MAP3K5: variants seen among roughly 807,000 people sequenced by gnomAD.
MAP3K5 encodes the protein ASK-1.
MAP3K5 carries 56 observed loss-of-function variants against 158.7 expected under a neutral mutation model. The observed-to-expected ratio is 0.35, with a 90% CI of 0.28 to 0.44. MAP3K5 has a LOEUF of 0.44. Among genes scored for constraint, MAP3K5 ranks in the 20% least tolerant of loss-of-function variants. MAP3K5 has a pLI of 1.00. For missense variants in MAP3K5, 1,294 were observed against 1,674.8 expected, an observed-to-expected ratio of 0.77 and a Z score of 3.97; for synonymous variants, 579 against 601.7, an observed-to-expected ratio of 0.96 and a Z score of 0.55.
At chr6:136,774,540 CG>C (rs1784336016) in intron 1 of MAP3K5, among the ~76,000 whole-genome samples, 1 of 152,122 alleles carries the variant, frequency 6.6e-6, no homozygotes, top group African/African-American at 2.4e-5. Flanking sequence ...GACTGTGAGC[CG>C]CTCCAGGAAA....
At chr6:136,704,548 T>C (rs1780990048) in intron 3 of MAP3K5, among the ~76,000 whole-genome samples, 2 of 152,302 alleles carry the variant, frequency 1.3e-5, no homozygotes, top group Non-Finnish European at 2.9e-5. Context: ...ATTTTCTTTT[T>C]ATTTATTTAT....
chr6:136,591,012 G>A (rs1410700992), intron 23 of MAP3K5, among the ~76,000 whole-genome samples: 1 of 152,132 alleles, frequency 6.6e-6, no homozygotes, highest in Non-Finnish European at 1.5e-5. Flanking sequence ...TCTTTCCTGT[G>A]ATGTTCTCAT....
At chr6:136,640,441 T>C (rs1187815054) in intron 12 of MAP3K5, among the ~76,000 whole-genome samples, 2 of 152,204 alleles carry the variant, frequency 1.3e-5, no homozygotes, top group African/African-American at 4.8e-5. Context: ...TGCTGGTCCT[T>C]CCATTTGGAA....
intron 26 of MAP3K5, among the ~76,000 whole-genome samples, chr6:136,564,490 C>T (rs933286512): frequency 6.6e-6 from 1 of 152,094 alleles, no homozygotes; most frequent in Non-Finnish European, 1.5e-5. Flanking sequence ...TCTTTCAAAA[C>T]AAATATTATC....
intron 1 of MAP3K5, among the ~76,000 whole-genome samples, chr6:136,761,138 C>A (rs1783734224): frequency 6.6e-6 from 1 of 152,166 alleles, no homozygotes; most frequent in African/African-American, 2.4e-5. Context: ...CTAGCTTCCA[C>A]AACTGTGAGA....
chr6:136,582,791 G>C (rs751813151), intron 24 of MAP3K5, among the ~76,000 whole-genome samples: 2 of 152,172 alleles, frequency 1.3e-5, no homozygotes, highest in Non-Finnish European at 2.9e-5. Context: ...GCACCATCAA[G>C]AACCCTCTTA....
intron 18 of MAP3K5, among the ~76,000 whole-genome samples, chr6:136,610,551 G>A (rs993963682): frequency 6.7e-6 from 1 of 149,570 alleles, no homozygotes; most frequent in East Asian, 1.9e-4. Flanking sequence ...AAGTGATTAG[G>A]GTATGAGTAA....
At chr6:136,677,150 T>C (rs1283025522) in intron 7 of MAP3K5, among the ~76,000 whole-genome samples, 1 of 146,796 alleles carries the variant, frequency 6.8e-6, no homozygotes, top group African/African-American at 2.5e-5. Context: ...TTTTTTTTTT[T>C]TTTTTGAGGC....
At chr6:136,788,607 C>T (rs1417421014) in intron 1 of MAP3K5, among the ~76,000 whole-genome samples, 2 of 152,144 alleles carry the variant, frequency 1.3e-5, no homozygotes, top group African/African-American at 4.8e-5. Context: ...ACAGACACTT[C>T]TCAGAAGAAG....
At chr6:136,682,938 A>G (rs1281561764) in intron 7 of MAP3K5, among the ~76,000 whole-genome samples, 2 of 152,226 alleles carry the variant, frequency 1.3e-5, no homozygotes, top group Non-Finnish European at 2.9e-5. Context: ...CCAGAAAGAA[A>G]AAAAAAGACT....
intron 1 of MAP3K5, among the ~76,000 whole-genome samples, chr6:136,781,597 AG>A (rs1468056472): frequency 5.3e-5 from 8 of 152,232 alleles, no homozygotes; most frequent in Non-Finnish European, 1.2e-4. Flanking sequence ...CCGCTCTCAT[AG>A]CCTTTCCAAC....
intron 18 of MAP3K5, among the ~76,000 whole-genome samples, chr6:136,610,598 A>AT (rs1218094684): frequency 1.6e-5 from 2 of 127,750 alleles, no homozygotes; most frequent in Non-Finnish European, 1.6e-5. Flanking sequence ...AATGTTTAAT[A>AT]AAAAAAAAAA....
chr6:136,776,742 G>T (rs986957679), intron 1 of MAP3K5, among the ~76,000 whole-genome samples: 5 of 152,106 alleles, frequency 3.3e-5, no homozygotes, highest in African/African-American at 1.2e-4. Context: ...TATGCTGAAC[G>T]GATTGGTAAG....
Position 136,655,925 on chromosome 6 carries a change from T to C in MAP3K5, c.1680+382A>G, listed in dbSNP as rs375828863. ...GGGATAACAATGCAGGTAAGCCTGA[T>C]ACTTTTCACCACAATACGGGAGATA... On this transcript the variant is annotated intron_variant, in intron 10 of 29. Transcript: ENST00000359015. Among the ~76,000 whole-genome samples, 16 of 152,266 alleles carry C rather than the reference T, an allele frequency of 1.1e-4. No homozygotes were observed. In the East Asian group the frequency reaches 2.3e-3, roughly 22 times the overall value.
chr6:136,705,007 G>C (rs1237360115), intron 3 of MAP3K5, 103 bp downstream of exon 3: 1 of 577,872 alleles, frequency 1.7e-6, no homozygotes, highest in African/African-American at 2.0e-5. Flanking sequence ...AGGAAAAATA[G>C]AGATATAAAT....
At chr6:136,763,113 C>A (rs1783824832) in intron 1 of MAP3K5, among the ~76,000 whole-genome samples, 1 of 152,192 alleles carries the variant, frequency 6.6e-6, no homozygotes, top group South Asian at 2.1e-4. Flanking sequence ...CCACCTCAGC[C>A]TCTCAAATAG....
chr6:136,668,373 A>T (rs1477186929), intron 8 of MAP3K5, among the ~76,000 whole-genome samples: 1 of 151,978 alleles, frequency 6.6e-6, no homozygotes, highest in Non-Finnish European at 1.5e-5. Context: ...GACAGAGTGA[A>T]ACCTGGTTTC....
At chr6:136,654,524 G>A (rs533899959) in intron 10 of MAP3K5, among the ~76,000 whole-genome samples, 2 of 152,024 alleles carry the variant, frequency 1.3e-5, no homozygotes, top group Non-Finnish European at 1.5e-5. Flanking sequence ...TCGGCTCACC[G>A]CAACCTCTGC....
intron 1 of MAP3K5, among the ~76,000 whole-genome samples, chr6:136,750,663 A>G (rs1336351861): frequency 2.6e-5 from 4 of 152,232 alleles, no homozygotes; most frequent in African/African-American, 7.2e-5. Context: ...AATCTAGATG[A>G]AAAACTTCAG....
Sources: allele counts gnomAD v4.1 joint callset (sites outside exome capture counted in the v4.1 genomes callset), GRCh38; gene constraint gnomAD v4.1.1; transcripts MANE v1.5; gene names NCBI Gene and HGNC (gene_info 2026-07-23, HGNC 2026-07-21).